Variants in SPECC1 observed in about 807,000 individuals in gnomAD.
SPECC1 encodes cytospin-B.
A neutral mutation model predicts 104.1 loss-of-function variants in SPECC1; 62 were observed. That is an observed-to-expected ratio of 0.60 (90% CI 0.49 to 0.74). The LOEUF (loss-of-function observed/expected upper bound fraction) is 0.74, where lower values mean the gene tolerates loss of function less well. Ranked by LOEUF, SPECC1 falls within the 30% of genes least tolerant of loss-of-function variation. The pLI is 0.00. For synonymous variants in SPECC1, 513 were observed against 501.6 expected (o/e 1.02, Z -0.30); for missense variants, 1,306 against 1,310.5 (o/e 1.00, Z 0.05).
At chr17:20,150,780 A>C (rs185654219) in intron 3 of SPECC1, among the ~76,000 whole-genome samples, 35 of 152,262 alleles carry the variant, frequency 2.3e-4, no homozygotes, top group Admixed American at 2.2e-3. Flanking sequence ...CATAGTAGTA[A>C]AATATATTTA....
intron 3 of SPECC1, among the ~76,000 whole-genome samples, chr17:20,178,699 G>T (rs888227466): frequency 2.6e-5 from 4 of 152,338 alleles, no homozygotes; most frequent in Non-Finnish European, 4.4e-5. Context: ...GGTGAAAAAT[G>T]TAAGATGCTT....
At chr17:20,188,855 C>T (rs1208198816) in intron 3 of SPECC1, among the ~76,000 whole-genome samples, 1 of 152,122 alleles carries the variant, frequency 6.6e-6, no homozygotes, top group Non-Finnish European at 1.5e-5. Context: ...AAAAACAACT[C>T]CCACCCCCAA....
At chr17:20,100,394 G>A (rs929301512) in intron 2 of SPECC1, among the ~76,000 whole-genome samples, 1 of 152,168 alleles carries the variant, frequency 6.6e-6, no homozygotes, top group Non-Finnish European at 1.5e-5. Context: ...GGACAAAAAA[G>A]CAAGTAATTT....
At chr17:20,035,759 T>C (rs762635427) in intron 1 of SPECC1, among the ~76,000 whole-genome samples, 5 of 152,194 alleles carry the variant, frequency 3.3e-5, no homozygotes, top group Non-Finnish European at 5.9e-5. Context: ...GATTTTTGTA[T>C]GTTCATCATA....
chr17:20,248,576 T>C (rs1457714239), intron 9 of SPECC1, among the ~76,000 whole-genome samples: 2 of 152,220 alleles, frequency 1.3e-5, no homozygotes, highest in Non-Finnish European at 2.9e-5. Flanking sequence ...TTTTTGAAGA[T>C]CAAGTAAGTG....
intron 3 of SPECC1, among the ~76,000 whole-genome samples, chr17:20,143,458 C>T (rs1051192637): frequency 2.0e-5 from 3 of 151,118 alleles, no homozygotes; most frequent in African/African-American, 4.9e-5. Flanking sequence ...CCGAGGCGGG[C>T]AGATCACTTG....
At chr17:20,309,925 C>G (rs1386730112) in intron 14 of SPECC1, among the ~76,000 whole-genome samples, 1 of 147,432 alleles carries the variant, frequency 6.8e-6, no homozygotes, top group Non-Finnish European at 1.5e-5. Flanking sequence ...TCAAGCAATT[C>G]TTCTGCCTCA....
intron 3 of SPECC1, among the ~76,000 whole-genome samples, chr17:20,154,872 G>T (rs2032322222): frequency 6.6e-6 from 1 of 152,106 alleles, no homozygotes; most frequent in Non-Finnish European, 1.5e-5. Flanking sequence ...GCGTTGTTGA[G>T]GGACGAGATG....
chr17:20,211,512 A>G (rs1009396150), intron 4 of SPECC1, among the ~76,000 whole-genome samples: 19 of 152,272 alleles, frequency 1.2e-4, no homozygotes, highest in Non-Finnish European at 1.5e-5. Flanking sequence ...CTGGCTGTGC[A>G]GAGCCAGTTT....
chr17:20,263,013 T>G (rs2040082944), intron 12 of SPECC1, among the ~76,000 whole-genome samples: 1 of 151,748 alleles, frequency 6.6e-6, no homozygotes, highest in South Asian at 2.1e-4. Flanking sequence ...GAAAAACCTG[T>G]CATGCTACTG....
intron 7 of SPECC1, among the ~76,000 whole-genome samples, chr17:20,239,878 GTTTTTTTT>G (rs60216339): frequency 4.3e-4 from 16 of 36,912 alleles, no homozygotes; most frequent in Non-Finnish European, 4.9e-4. Context: ...ATTTCGCTGA[GTTTTTTTT>G]TTTTTTTTTT....
chr17:20,059,690 A>AT (rs2046110834), intron 1 of SPECC1, among the ~76,000 whole-genome samples: 3 of 152,136 alleles, frequency 2.0e-5, no homozygotes, highest in Admixed American at 2.0e-4. Flanking sequence ...TGCTAGTGAG[A>AT]TCCCATCTCT....
At chr17:20,233,009 C>T (rs1380108992) in intron 7 of SPECC1, among the ~76,000 whole-genome samples, 1 of 152,154 alleles carries the variant, frequency 6.6e-6, no homozygotes, top group Non-Finnish European at 1.5e-5. Context: ...CCAGGGAGCT[C>T]TACTAACAGT....
intron 1 of SPECC1, among the ~76,000 whole-genome samples, chr17:20,037,898 G>T (rs2045156930): frequency 1.3e-5 from 2 of 152,006 alleles, no homozygotes; most frequent in Admixed American, 1.3e-4. Flanking sequence ...TAAGTTTAAT[G>T]TTTCTGTTTT....
intron 3 of SPECC1, among the ~76,000 whole-genome samples, chr17:20,200,401 C>A (rs1182365210): frequency 1.3e-5 from 2 of 152,170 alleles, no homozygotes; most frequent in Non-Finnish European, 1.5e-5. Context: ...TTGTGTTAAT[C>A]TTCATAATTA....
chr17:20,291,142 A>G (rs540375849), intron 12 of SPECC1, among the ~76,000 whole-genome samples: 13 of 152,324 alleles, frequency 8.5e-5, no homozygotes, highest in Non-Finnish European at 1.2e-4. Context: ...CATCCACCCC[A>G]GAGTCTGTTC....
chr17:20,036,103 G>A (rs7214107), intron 1 of SPECC1, among the ~76,000 whole-genome samples: 10,542 of 151,964 alleles, frequency 0.069, 992 homozygotes, highest in African/African-American at 0.21. Flanking sequence ...GAGCCACTGC[G>A]CTTGGCTGCT....
At chr17:20,264,280 G>T (rs1373643278) in intron 12 of SPECC1, among the ~76,000 whole-genome samples, 1 of 151,892 alleles carries the variant, frequency 6.6e-6, no homozygotes, top group Non-Finnish European at 1.5e-5. Flanking sequence ...GAGTGGGCAG[G>T]TTTGTTACAA....
At chr17:20,156,452 C>T (rs1051371131) in intron 3 of SPECC1, among the ~76,000 whole-genome samples, 9 of 152,160 alleles carry the variant, frequency 5.9e-5, no homozygotes, top group Non-Finnish European at 1.0e-4. Context: ...TGAACGCGCA[C>T]CTGGGCGCCG....
Sources: gnomAD v4.1 joint callset for allele counts (sites outside exome capture counted in the v4.1 genomes callset) on GRCh38, gnomAD v4.1.1 for gene constraint, MANE v1.5 for transcripts, NCBI Gene and HGNC (gene_info 2026-07-23, HGNC 2026-07-21) for gene names.